UNC13C: variants seen among roughly 807,000 people sequenced by gnomAD.
UNC13C encodes protein unc-13 homolog C.
A neutral mutation model predicts 245.4 loss-of-function variants in UNC13C; 174 were observed. That is an observed-to-expected ratio of 0.71 (90% CI 0.63 to 0.80). UNC13C has a LOEUF of 0.80. Ranked by LOEUF, UNC13C falls within the 30% of genes least tolerant of loss-of-function variation. The pLI, the probability that UNC13C is intolerant of heterozygous loss-of-function variation, is 0.00. For synonymous variants in UNC13C, 992 were observed against 895.1 expected (o/e 1.11, Z -1.93); for missense variants, 2,829 against 2,602.9 (o/e 1.09, Z -1.89).
chr15:54,146,789 G>C (rs1489190120), intron 4 of UNC13C, among the ~76,000 whole-genome samples: 1 of 152,176 alleles, frequency 6.6e-6, no homozygotes, highest in Non-Finnish European at 1.5e-5. Context: ...TTAGTGGACA[G>C]AAATGTCTCA....
chr15:54,170,920 C>A (rs1333106127), intron 4 of UNC13C, among the ~76,000 whole-genome samples: 1 of 152,150 alleles, frequency 6.6e-6, no homozygotes, highest in African/African-American at 2.4e-5. Flanking sequence ...ACTCAGATGG[C>A]ATCCCTAAAA....
intron 17 of UNC13C, among the ~76,000 whole-genome samples, chr15:54,340,601 T>C (rs2038705726): frequency 6.6e-6 from 1 of 152,194 alleles, no homozygotes; most frequent in African/African-American, 2.4e-5. Context: ...GCTGTAAGTA[T>C]GCGGGTTTAT....
At chr15:54,167,617 A>G (rs2033227682) in intron 4 of UNC13C, among the ~76,000 whole-genome samples, 1 of 149,030 alleles carries the variant, frequency 6.7e-6, no homozygotes, top group African/African-American at 2.4e-5. Context: ...AAAAAAAAAA[A>G]AAAAAAAGAA....
intron 19 of UNC13C, among the ~76,000 whole-genome samples, chr15:54,423,756 T>A (rs2140964107): frequency 6.6e-6 from 1 of 151,976 alleles, no homozygotes; most frequent in Non-Finnish European, 1.5e-5. Flanking sequence ...TATCATAACA[T>A]GGTAGGTTTT....
chr15:54,381,492 TG>T (rs1266586815), intron 17 of UNC13C, among the ~76,000 whole-genome samples: 1 of 152,180 alleles, frequency 6.6e-6, no homozygotes, highest in Non-Finnish European at 1.5e-5. Flanking sequence ...CTGTGAAGAA[TG>T]CCATTGGCAT....
chr15:54,288,749 G>A lies in UNC13C; in HGVS notation c.3819-5146G>A, dbSNP rs1467039835. Among the ~76,000 whole-genome samples the A allele has an allele frequency of 2.6e-5, 4 of 152,088 alleles. No homozygotes were observed. The East Asian group carries it at 5.8e-4, about 22-fold the overall frequency. On this transcript the variant is annotated intron_variant, in intron 10 of 32. Transcript: ENST00000260323. ...GTATATATGACTTTTGGGCAGTACTGTTTCCTGGAGAATTTACTAGGCTTC... is the reference window on the plus strand; with the variant it reads ...GTATATATGACTTTTGGGCAGTACTATTTCCTGGAGAATTTACTAGGCTTC...
chr15:54,303,839 A>AGG (rs1239522581), intron 13 of UNC13C, among the ~76,000 whole-genome samples: 1 of 152,018 alleles, frequency 6.6e-6, no homozygotes, highest in Non-Finnish European at 1.5e-5. Context: ...CACAGCAAGG[A>AGG]GGGGGCTTCC....
chr15:53,956,190 A>T, the UNC13C span, among the ~76,000 whole-genome samples: 38 of 152,224 alleles, frequency 2.5e-4, no homozygotes, highest in Admixed American at 1.2e-3. Flanking sequence ...GGAGGAGGAG[A>T]GGGGCAAGGG....
At chr15:54,399,214 G>A (rs936616254) in intron 18 of UNC13C, among the ~76,000 whole-genome samples, 2 of 151,602 alleles carry the variant, frequency 1.3e-5, no homozygotes, top group African/African-American at 4.8e-5. Context: ...TCCATTTAAA[G>A]AAGTTCACAG....
At chr15:53,950,990 T>G in the UNC13C span, among the ~76,000 whole-genome samples, 3 of 152,204 alleles carry the variant, frequency 2.0e-5, no homozygotes, top group Non-Finnish European at 4.4e-5. Flanking sequence ...TATACTCTGC[T>G]CTGTGATTCT....
intron 4 of UNC13C, among the ~76,000 whole-genome samples, chr15:54,149,771 G>A (rs1380228536): frequency 6.6e-6 from 1 of 152,174 alleles, no homozygotes; most frequent in Non-Finnish European, 1.5e-5. Flanking sequence ...GATTCAAACA[G>A]CTGTTGATTG....
At chr15:53,937,410 T>TGGG in the UNC13C span, among the ~76,000 whole-genome samples, 1 of 152,118 alleles carries the variant, frequency 6.6e-6, no homozygotes, top group East Asian at 1.9e-4. Flanking sequence ...TATGACTAAT[T>TGGG]GGGGTACATG....
chr15:54,211,025 C>G (rs982666767), intron 4 of UNC13C, among the ~76,000 whole-genome samples: 3 of 152,086 alleles, frequency 2.0e-5, no homozygotes, highest in African/African-American at 7.2e-5. Context: ...TAAAGAAATG[C>G]AGGGCATTCA....
intron 24 of UNC13C, among the ~76,000 whole-genome samples, chr15:54,523,196 C>G (rs1895300879): frequency 6.6e-6 from 1 of 152,146 alleles, no homozygotes; most frequent in Non-Finnish European, 1.5e-5. Flanking sequence ...AACTCAAAAA[C>G]TGGTAGTTTT....
chr15:54,447,643 T>C (rs1400359497), intron 19 of UNC13C, among the ~76,000 whole-genome samples: 2 of 152,202 alleles, frequency 1.3e-5, no homozygotes, highest in Admixed American at 6.5e-5. Context: ...TTTTATTGCA[T>C]CTATTTGATT....
At chr15:54,549,879 A>G (rs1896659100) in intron 28 of UNC13C, among the ~76,000 whole-genome samples, 188 bp downstream of exon 28, 1 of 152,208 alleles carries the variant, frequency 6.6e-6, no homozygotes, top group Non-Finnish European at 1.5e-5. Context: ...TCTGGATTAA[A>G]TTAGAGAGCA....
chr15:54,259,480 C>G (rs1437662829), intron 8 of UNC13C, among the ~76,000 whole-genome samples: 1 of 152,136 alleles, frequency 6.6e-6, no homozygotes, highest in South Asian at 2.1e-4. Flanking sequence ...AGGGGTTTCC[C>G]CTTATAAAAC....
At chr15:54,131,744 A>G (rs1430803194) in intron 2 of UNC13C, among the ~76,000 whole-genome samples, 1 of 152,190 alleles carries the variant, frequency 6.6e-6, no homozygotes, top group African/African-American at 2.4e-5. Flanking sequence ...GCTGACTCCT[A>G]TAAAATATGT....
Position 54,013,731 on chromosome 15 carries a change from G to A in UNC13C, c.828G>A (p.Glu276=). 4 of 1,612,850 alleles carry A rather than the reference G, an allele frequency of 2.5e-6. No homozygotes were observed. Among genetic ancestry groups the A allele is most frequent in the East Asian group, 4.5e-5 (2 of 44,848 alleles). ...HVNALKHSID[E]ISSSVEVVQS... Reference sequence around the variant, plus strand: ...ATGCTCTCAAGCACTCCATCGATGAGATCTCCAGCAGTGTGGAGGTTGTAC... The same window carrying A: ...ATGCTCTCAAGCACTCCATCGATGAAATCTCCAGCAGTGTGGAGGTTGTAC... The change falls in exon 2 of 33, where the codon GAG becomes GAA. Residue 276 remains glutamate (E), a synonymous_variant. Coordinates refer to ENST00000260323, the MANE Select transcript of UNC13C (RefSeq NM_001080534.3).
Sources: allele counts gnomAD v4.1 joint callset (sites outside exome capture counted in the v4.1 genomes callset), GRCh38; gene constraint gnomAD v4.1.1; transcripts MANE v1.5; gene names NCBI Gene and HGNC (gene_info 2026-07-23, HGNC 2026-07-21).